The following TRABD2B variants were observed in gnomAD, a reference collection of about 807,000 sequenced individuals.
The protein encoded by TRABD2B is metalloprotease TIKI2.
A neutral mutation model predicts 40.1 loss-of-function variants in TRABD2B; 14 were observed. That is an observed-to-expected ratio of 0.35 (90% confidence interval 0.23 to 0.55). TRABD2B has a LOEUF of 0.55. Ranked by LOEUF, TRABD2B falls within the 20% of genes least tolerant of loss-of-function variation. TRABD2B has a pLI of 0.90. For synonymous variants in TRABD2B, 263 were observed against 277.0 expected (o/e 0.95, Z 0.50); for missense variants, 541 against 648.6 (o/e 0.83, Z 1.80).
chr1:47,960,599 C>A (rs1043690143), intron 2 of TRABD2B, among the ~76,000 whole-genome samples: 2 of 152,134 alleles, frequency 1.3e-5, no homozygotes, highest in Admixed American at 1.3e-4. Flanking sequence ...CATGAGTCAA[C>A]TCCTATTCAC....
In TRABD2B at chr1:47,775,323, TC is replaced by T; in HGVS notation, c.1195del (p.Glu399ArgfsTer162). ...APSVTPTAPP[E>X]DEDPALSPHL... The stretch of plus-strand genomic sequence containing the variant: ...TGGGGACAGGGCTGGATCCTCATCC[TC>T]TGGTGGGGCGGTGGGGGTCACAGAG... On this transcript the variant is annotated frameshift_variant, in exon 6 of 7. Coordinates refer to ENST00000606738, the MANE Select transcript of TRABD2B (RefSeq NM_001194986.2). LOFTEE classifies it high-confidence loss of function. 3 of 1,245,548 alleles carry T rather than the reference TC, an allele frequency of 2.4e-6. No individual in the cohort carries two copies. Among genetic ancestry groups the T allele is most frequent in the Non-Finnish European group, 3.0e-6 (3 of 992,894 alleles). 77.2% of individuals were successfully genotyped at this position (1,245,548 alleles called of 1,614,324 possible).
chr1:47,836,994 T>C (rs1188652334), intron 2 of TRABD2B, among the ~76,000 whole-genome samples: 1 of 152,244 alleles, frequency 6.6e-6, no homozygotes, highest in Non-Finnish European at 1.5e-5. Flanking sequence ...GAAACCCTCT[T>C]AATCTGGGGT....
At chr1:47,977,264 G>C (rs1645769904) in intron 2 of TRABD2B, among the ~76,000 whole-genome samples, 2 of 152,096 alleles carry the variant, frequency 1.3e-5, no homozygotes, top group Non-Finnish European at 2.9e-5. Context: ...GTAGTAGATG[G>C]AGTTTCACCA....
intron 2 of TRABD2B, among the ~76,000 whole-genome samples, chr1:47,889,990 T>C (rs1286757800): frequency 2.6e-5 from 4 of 152,240 alleles, no homozygotes; most frequent in African/African-American, 9.6e-5. Context: ...TTTTGCTACC[T>C]GGATGGAATG....
chr1:47,783,629 T>C (rs546920400), intron 4 of TRABD2B, among the ~76,000 whole-genome samples: 2 of 152,340 alleles, frequency 1.3e-5, no homozygotes, highest in East Asian at 1.9e-4. Context: ...AGGACACTTA[T>C]ATACAAACAG....
At chr1:47,856,630 G>C (rs2124539986) in intron 2 of TRABD2B, among the ~76,000 whole-genome samples, 2 of 152,244 alleles carry the variant, frequency 1.3e-5, no homozygotes, top group Middle Eastern at 6.8e-3. Context: ...GGTCTAAGTG[G>C]ACCACTTCAC....
At chr1:47,967,297 C>T (rs771230119) in intron 2 of TRABD2B, among the ~76,000 whole-genome samples, 5 of 151,710 alleles carry the variant, frequency 3.3e-5, no homozygotes, top group Non-Finnish European at 5.9e-5. Flanking sequence ...GTTATCCACC[C>T]CTCACTATGT....
intron 2 of TRABD2B, among the ~76,000 whole-genome samples, chr1:47,807,262 A>C (rs1644905247): frequency 6.6e-6 from 1 of 152,106 alleles, no homozygotes; most frequent in Non-Finnish European, 1.5e-5. Context: ...ATTGATCCTG[A>C]CTACCAAGGG....
intron 2 of TRABD2B, among the ~76,000 whole-genome samples, chr1:47,923,907 T>TACAC (rs1268599311): frequency 3.0e-4 from 19 of 64,222 alleles, no homozygotes; most frequent in Admixed American, 1.2e-3. Flanking sequence ...TCTACACACA[T>TACAC]ACACACATAC....
At chr1:47,911,560 C>G (rs961087701) in intron 2 of TRABD2B, among the ~76,000 whole-genome samples, 1 of 152,244 alleles carries the variant, frequency 6.6e-6, no homozygotes, top group African/African-American at 2.4e-5. Flanking sequence ...GTAAGCGACA[C>G]TCACCTTGCG....
rs574517481 is a variant in TRABD2B, at chr1:47,997,059, G to A, written c.-270C>T. The A allele has an allele frequency of 2.0e-5, 20 of 984,092 alleles. No homozygotes were observed. The highest frequency in any genetic ancestry group is 2.4e-5 in the Non-Finnish European group (20 of 829,566). The allele number at this position is 984,092 out of a possible 1,614,324, so 61.0% of individuals were successfully genotyped here. On this transcript the variant is annotated 5_prime_UTR_variant, in exon 1 of 7. Coordinates refer to ENST00000606738, the MANE Select transcript of TRABD2B (RefSeq NM_001194986.2). Reference sequence around the variant, plus strand: ...CTGGCCGAGCCCCCGGGTGCTGAGGGCGTGTTGGGGTCCGGGGGCGCGCGG... The same window carrying A: ...CTGGCCGAGCCCCCGGGTGCTGAGGACGTGTTGGGGTCCGGGGGCGCGCGG...
chr1:47,783,408 T>C (rs1174033865), intron 4 of TRABD2B, among the ~76,000 whole-genome samples: 2 of 152,200 alleles, frequency 1.3e-5, no homozygotes, highest in East Asian at 3.9e-4. Flanking sequence ...ACCAATTCAC[T>C]GAGGACATCA....
At chr1:47,928,682 A>T (rs1049865666) in intron 2 of TRABD2B, among the ~76,000 whole-genome samples, 4 of 152,278 alleles carry the variant, frequency 2.6e-5, no homozygotes, top group Non-Finnish European at 5.9e-5. Context: ...GCAAAAAGTC[A>T]ATCTGCAAAC....
Position 47,860,130 on chromosome 1 carries a change from T to A in TRABD2B, c.667-58511A>T, listed in dbSNP as rs535169904. Among the ~76,000 whole-genome samples the A allele has an allele frequency of 2.0e-5, 3 of 152,302 alleles. No individual in the cohort carries two copies. In the East Asian group the frequency reaches 5.8e-4, roughly 29 times the overall value. ...GGCCCTTGATGTCCTGAGGCTTTCA[T>A]TCCTGGAGAACTAAATGCTGGTTGA... On this transcript the variant is annotated intron_variant, in intron 2 of 6. Coordinates refer to ENST00000606738, the MANE Select transcript of TRABD2B (RefSeq NM_001194986.2).
At chr1:47,896,345 T>C (rs1026972055) in intron 2 of TRABD2B, among the ~76,000 whole-genome samples, 4 of 152,040 alleles carry the variant, frequency 2.6e-5, no homozygotes, top group Admixed American at 6.6e-5. Context: ...GGGATGGGGC[T>C]GTGGAGGCTC....
intron 5 of TRABD2B, among the ~76,000 whole-genome samples, chr1:47,776,763 C>T (rs528229267): frequency 3.9e-5 from 6 of 152,286 alleles, no homozygotes; most frequent in East Asian, 1.9e-4. Flanking sequence ...CACTCTCACA[C>T]GGCACGATGG....
intron 2 of TRABD2B, among the ~76,000 whole-genome samples, chr1:47,942,835 G>C (rs1304416577): frequency 6.6e-6 from 1 of 152,234 alleles, no homozygotes; most frequent in Non-Finnish European, 1.5e-5. Context: ...AGGAAGACTG[G>C]TAGGGGCCTG....
chr1:47,881,780 T>C (rs1272590720), intron 2 of TRABD2B, among the ~76,000 whole-genome samples: 1 of 152,172 alleles, frequency 6.6e-6, no homozygotes, highest in Non-Finnish European at 1.5e-5. Flanking sequence ...AGACACCACA[T>C]GTCTGCATGG....
intron 2 of TRABD2B, among the ~76,000 whole-genome samples, chr1:47,935,301 G>A (rs529047430): frequency 6.6e-6 from 1 of 152,266 alleles, no homozygotes; most frequent in South Asian, 2.1e-4. Context: ...AGTTGCTTAA[G>A]GTCAAACAAC....
Sources: allele counts gnomAD v4.1 joint callset (sites outside exome capture counted in the v4.1 genomes callset), GRCh38; gene constraint gnomAD v4.1.1; transcripts MANE v1.5; gene names NCBI Gene and HGNC (gene_info 2026-07-23, HGNC 2026-07-21).